Variants in ZBTB7A observed in about 807,000 individuals in gnomAD.
ZBTB7A encodes the protein zinc finger and BTB domain containing 7A, also known as zinc finger and BTB domain-containing protein 7A.
ZBTB7A carries 7 observed loss-of-function variants against 26.7 expected under a neutral mutation model. That is an observed-to-expected ratio of 0.26 (90% CI 0.15 to 0.49). The LOEUF is 0.49. Among genes scored for constraint, ZBTB7A ranks in the 20% least tolerant of loss-of-function variants. The pLI, the probability that ZBTB7A is intolerant of heterozygous loss-of-function variation, is 0.98. For synonymous variants in ZBTB7A, 452 were observed against 441.0 expected (o/e 1.02, Z -0.31); for missense variants, 617 against 919.5 (o/e 0.67, Z 4.25).
intron 2 of ZBTB7A, among the ~76,000 whole-genome samples, chr19:4,049,841 G>T (rs2040479390): frequency 6.6e-6 from 1 of 152,038 alleles, no homozygotes; most frequent in Non-Finnish European, 1.5e-5. Context: ...TTTCCTCCTG[G>T]ATCTTCACAG....
chr19:4,045,742 T>C lies in ZBTB7A; in HGVS notation c.*2010A>G. On this transcript the variant is annotated 3_prime_UTR_variant, in exon 3 of 3. Transcript: ENST00000322357. The surrounding 1 kb of genome is among the most constrained non-coding windows in gnomAD (Gnocchi z 4.1). Reference sequence around the variant, plus strand: ...TGCATATGCAAACGGGGTGAGGGCGTCCTGGCATCTGGCGACATAGTCTCC... The same window carrying C: ...TGCATATGCAAACGGGGTGAGGGCGCCCTGGCATCTGGCGACATAGTCTCC... 1 of 396,662 alleles carries C rather than the reference T, an allele frequency of 2.5e-6. No individual in the cohort carries two copies. Among genetic ancestry groups the C allele is most frequent in the Non-Finnish European group, 4.4e-6 (1 of 225,284 alleles). The allele number at this position is 396,662 out of a possible 1,614,324, so 24.6% of individuals were successfully genotyped here.
rs368841900 is a variant in ZBTB7A, at chr19:4,052,522, T to A, written c.1262+1449A>T. 6.6e-6 allele frequency among the ~76,000 whole-genome samples: 1 copy of A among 151,542 alleles called. No homozygotes were observed. The highest frequency in any genetic ancestry group is 1.9e-4 in the East Asian group (1 of 5,140). ...AGGGGGCCGGGGTGCTGGGGAGGGGTCAGTCCCAGTTCCTGTCCCCACGGG... is the reference window on the plus strand; with the variant it reads ...AGGGGGCCGGGGTGCTGGGGAGGGGACAGTCCCAGTTCCTGTCCCCACGGG... On this transcript the variant is annotated intron_variant, in intron 2 of 2. Coordinates refer to ENST00000322357, the MANE Select transcript of ZBTB7A (RefSeq NM_015898.4). The surrounding 1 kb of genome is among the most constrained non-coding windows in gnomAD (Gnocchi z 4.9).
At position 4,054,075 on chromosome 19, in the gene ZBTB7A, G is replaced by T. The variant is rs1337940636; in HGVS notation, c.1158C>A (p.Ile386=). 1 of 1,612,010 alleles carries T rather than the reference G, an allele frequency of 6.2e-7. No homozygotes were observed. Among genetic ancestry groups the T allele is most frequent in the South Asian group, 1.1e-5 (1 of 91,088 alleles). The stretch of plus-strand genomic sequence containing the variant: ...CGGCGCCCTGGATGACCTTCTCGCA[G>T]ATGGGGCACTTCTGGAAGGCCTTGG... ...IRAKAFQKCP[I]CEKVIQGAGK... is the part of the protein sequence containing the mutation. Residue 386 remains isoleucine, a synonymous_variant, in exon 2 of 3, where the codon ATC becomes ATA. Transcript: ENST00000322357.
chr19:4,045,615 T>C lies in ZBTB7A; in HGVS notation c.*2137A>G, dbSNP rs2040405445. 3.1e-6 allele frequency: 1 copy of C among 317,566 alleles called. No individual in the cohort carries two copies. Among genetic ancestry groups the C allele is most frequent in the Non-Finnish European group, 5.6e-6 (1 of 178,806 alleles). 19.7% of individuals were successfully genotyped at this position (317,566 alleles called of 1,614,324 possible). A position where few individuals can be genotyped will look rare whatever the true frequency, so the allele number is the denominator to read the frequency against. ...GATGTGTGTGTCACAGAGAAGGGGG[T>C]ATGGGGGGGTCGGGGGCAGGGAGAC... is the stretch of plus-strand genomic sequence containing the variant. On this transcript the variant is annotated 3_prime_UTR_variant, in exon 3 of 3. Transcript: ENST00000322357. This position sits in a 1 kb window ranked among gnomAD's most constrained non-coding sequence, Gnocchi z 4.1.
rs576718878 is a variant in ZBTB7A, at chr19:4,046,573, CT to C, written c.*1178del. ...CAAGACTTCTAATGTGGTTGGTTGC[CT>C]TTTTTTTTTTCCTTCCTTTCATTTT... On this transcript the variant is annotated 3_prime_UTR_variant, in exon 3 of 3. Coordinates refer to ENST00000322357, the MANE Select transcript of ZBTB7A (RefSeq NM_015898.4). 207 of 139,582 alleles carry C rather than the reference CT, an allele frequency of 1.5e-3. No individual in the cohort carries two copies. In the Middle Eastern group the frequency reaches 0.022, roughly 15 times the overall value. 8.6% of individuals were successfully genotyped at this position (139,582 alleles called of 1,614,324 possible). A position where few individuals can be genotyped will look rare whatever the true frequency, so the allele number is the denominator to read the frequency against.
Position 4,056,337 on chromosome 19 carries a change from T to C in ZBTB7A, c.-15-1090A>G, listed in dbSNP as rs76693570. Among the ~76,000 whole-genome samples, 631 of 152,276 alleles carry C rather than the reference T, an allele frequency of 4.1e-3. 1 individual carries two copies. The highest frequency in any genetic ancestry group is 6.4e-3 in the Non-Finnish European group (435 of 68,026). The stretch of plus-strand genomic sequence containing the variant: ...GATGCCCTGTTCTGTCTCATCAGCG[T>C]GAGATGAGGCTGGCAAAACCCACAC... On this transcript the variant is annotated intron_variant, in intron 1 of 2. Transcript: ENST00000322357.
In ZBTB7A at chr19:4,044,209, G is replaced by A. The variant is rs981769446; in HGVS notation, c.*3543C>T. On this transcript the variant is annotated 3_prime_UTR_variant, in exon 3 of 3. Coordinates refer to ENST00000322357, the MANE Select transcript of ZBTB7A (RefSeq NM_015898.4). ...GCTGGGGGACCCCCCTCGGAAGGAA[G>A]CAAAAAGACAGTGACAGGACTGCAT... 1.6e-4 allele frequency among the ~76,000 whole-genome samples: 24 copies of A among 152,202 alleles called. No individual in the cohort carries two copies. Among genetic ancestry groups the A allele is most frequent in the Admixed American group, 1.4e-3 (22 of 15,306 alleles).
rs374129384 is a variant in ZBTB7A at position 4,047,887 on chromosome 19, G to A, written c.1620C>T (p.Asp540=). The A allele has an allele frequency of 6.2e-5, 99 of 1,588,594 alleles. No individual in the cohort carries two copies. The highest frequency in any genetic ancestry group is 8.3e-5 in the Non-Finnish European group (97 of 1,169,218). The change falls in exon 3 of 3, where the codon GAC becomes GAT. Residue 540 remains aspartate, a synonymous_variant. Transcript: ENST00000322357. The part of the protein sequence containing the change: ...RRNGQEKHFK[D]EDEDEDVASP... Reference sequence around the variant, plus strand: ...TGGCCACGTCCTCGTCCTCGTCCTCGTCCTTAAAGTGCTTCTCCTGGCCGT... The same window carrying A: ...TGGCCACGTCCTCGTCCTCGTCCTCATCCTTAAAGTGCTTCTCCTGGCCGT...
rs2040446098 is a variant in ZBTB7A at position 4,048,016 on chromosome 19, G to A, written c.1491C>T (p.Arg497=). ...CGCCCCGGACGCGGGGCTTGCGGCC[G>A]CGGCGCGAGGGGACGCCGTTGCAGC... ...KDGCNGVPSR[R]GRKPRVRGGA... Residue 497 remains arginine, a synonymous_variant, in exon 3 of 3, where the codon CGC becomes CGT. Transcript: ENST00000322357. The surrounding 1 kb of genome is among the most constrained non-coding windows in gnomAD (Gnocchi z 6.7). The A allele has an allele frequency of 2.8e-6, 4 of 1,449,468 alleles. No individual in the cohort carries two copies. The highest frequency in any genetic ancestry group is 1.5e-5 in the African/African-American group (1 of 67,906). The allele number at this position is 1,449,468 out of a possible 1,614,324, so 89.8% of individuals were successfully genotyped here. A position where few individuals can be genotyped will look rare whatever the true frequency, so the allele number is the denominator to read the frequency against.
At position 4,059,756 on chromosome 19, in the gene ZBTB7A, G is replaced by A. The variant is rs142759608; in HGVS notation, c.-15-4509C>T. Among the ~76,000 whole-genome samples, 90 of 150,956 alleles carry A rather than the reference G, an allele frequency of 6.0e-4. 2 individuals are homozygous for A. In the East Asian group the frequency reaches 0.015, roughly 25 times the overall value. On this transcript the variant is annotated intron_variant, in intron 1 of 2. Coordinates refer to ENST00000322357, the MANE Select transcript of ZBTB7A (RefSeq NM_015898.4). ...AAGCCACCTGCCGGCCACGCCCTGC[G>A]CCAATGCCCCCACCTAGGCCTCCTG...
chr19:4,056,478 C>A (rs918042996), intron 1 of ZBTB7A, among the ~76,000 whole-genome samples: 1 of 152,194 alleles, frequency 6.6e-6, no homozygotes, highest in African/African-American at 2.4e-5. Context: ...GTAATTCTAG[C>A]ATTTTGGGGA....
chr19:4,057,781 C>CA (rs55908345), intron 1 of ZBTB7A, among the ~76,000 whole-genome samples: 26,800 of 83,940 alleles, frequency 0.32, 3,702 homozygotes, highest in African/African-American at 0.47. Flanking sequence ...GACTCGTCTC[C>CA]AAAAAAAAAA....
At chr19:4,053,893 G>A in intron 2 of ZBTB7A, 78 bp downstream of exon 2, 1 of 1,495,070 alleles carries the variant, frequency 6.7e-7, no homozygotes, top group Non-Finnish European at 9.0e-7. Context: ...GGTGCAGGGA[G>A]AGAGGCGGGA....
chr19:4,046,486 G>A lies in ZBTB7A; in HGVS notation c.*1266C>T, dbSNP rs1320857079. ...TTTTCATAGAAGTTGGTTGTAACTT[G>A]TAAACATGTTTTTAAATTAAGAATT... On this transcript the variant is annotated 3_prime_UTR_variant, in exon 3 of 3. Coordinates refer to ENST00000322357, the MANE Select transcript of ZBTB7A (RefSeq NM_015898.4). The A allele has an allele frequency of 9.2e-6, 1 of 109,276 alleles. No individual in the cohort carries two copies. The highest frequency in any genetic ancestry group is 2.9e-4 in the East Asian group (1 of 3,450). 6.8% of individuals were successfully genotyped at this position (109,276 alleles called of 1,614,324 possible).
rs570718016 is a variant in ZBTB7A at position 4,046,351 on chromosome 19, T to A, written c.*1401A>T. 20 of 306,980 alleles carry A rather than the reference T, an allele frequency of 6.5e-5. No individual in the cohort carries two copies. Among genetic ancestry groups the A allele is most frequent in the East Asian group, 1.6e-4 (3 of 18,356 alleles). The allele number at this position is 306,980 out of a possible 1,614,324, so 19.0% of individuals were successfully genotyped here. On this transcript the variant is annotated 3_prime_UTR_variant, in exon 3 of 3. Coordinates refer to ENST00000322357, the MANE Select transcript of ZBTB7A (RefSeq NM_015898.4). Reference sequence around the variant, plus strand: ...TCTACGTTTGTGGTGGGTTTTTTTTTTTATTATTTTGTACAAAAATAAATC... The same window carrying A: ...TCTACGTTTGTGGTGGGTTTTTTTTATTATTATTTTGTACAAAAATAAATC...
rs1364955018 is a variant in ZBTB7A at position 4,043,718 on chromosome 19, CG to C, written c.*4033del. Among the ~76,000 whole-genome samples the C allele has an allele frequency of 1.7e-4, 7 of 41,550 alleles. No homozygotes were observed. The highest frequency in any genetic ancestry group is 3.5e-4 in the African/African-American group (3 of 8,526). 27.3% of individuals were successfully genotyped at this position (41,550 alleles called of 152,430 possible). On this transcript the variant is annotated 3_prime_UTR_variant, in exon 3 of 3. Transcript: ENST00000322357. ...CCTGGCCCCCTCCACCCCCTGGGCC[CG>C]GCCCCCCCCCCCCCCCCCCGTAAAT...
chr19:4,044,837 T>G lies in ZBTB7A; in HGVS notation c.*2915A>C, dbSNP rs2040394922. 6.6e-6 allele frequency: 1 copy of G among 152,080 alleles called. No individual in the cohort carries two copies. Among genetic ancestry groups the G allele is most frequent in the Non-Finnish European group, 1.5e-5 (1 of 68,022 alleles). The allele number at this position is 152,080 out of a possible 1,614,324, so 9.4% of individuals were successfully genotyped here. On this transcript the variant is annotated 3_prime_UTR_variant, in exon 3 of 3. Transcript: ENST00000322357. ...CTCAAATATCATTTTTTTTTGTTTG[T>G]TTGTTTCCTGAAACGCGAGAATTCA...
chr19:4,059,345 C>T (rs551239784), intron 1 of ZBTB7A, among the ~76,000 whole-genome samples: 4 of 152,214 alleles, frequency 2.6e-5, no homozygotes, highest in South Asian at 2.1e-4. Context: ...CCTGCAGGTC[C>T]CCGCCAGTGT....
At chr19:4,053,139 C>T (rs1017064962) in intron 2 of ZBTB7A, among the ~76,000 whole-genome samples, 1 of 152,224 alleles carries the variant, frequency 6.6e-6, no homozygotes, top group African/African-American at 2.4e-5. Context: ...AAGAACCAGC[C>T]CTCCAGGAAG....
Sources: gnomAD v4.1 joint callset for allele counts (sites outside exome capture counted in the v4.1 genomes callset) on GRCh38, gnomAD v4.1.1 for gene constraint, Gnocchi (gnomAD v3.1) non-coding constraint, MANE v1.5 for transcripts, NCBI Gene and HGNC (gene_info 2026-07-23, HGNC 2026-07-21) for gene names.